The following RAB27B variants were observed in gnomAD, a reference collection of about 807,000 sequenced individuals.
RAB27B encodes the protein ras-related protein Rab-27B.
Under a neutral mutation model 24.6 loss-of-function variants are expected in RAB27B, and 15 were observed. The ratio of observed to expected loss-of-function variants is 0.61; its 90% CI spans 0.41 to 0.94. The LOEUF is 0.94. RAB27B is among the 40% of genes least tolerant of loss of function. The probability of loss-of-function intolerance (pLI) is 0.00; values close to 1 mark genes in which losing one functional copy is unlikely to be tolerated. For missense variants in RAB27B, 261 were observed against 266.8 expected, an observed-to-expected ratio of 0.98 and a Z score of 0.15; for synonymous variants, 105 against 92.5, an observed-to-expected ratio of 1.14 and a Z score of -0.78.
intron 2 of RAB27B, among the ~76,000 whole-genome samples, chr18:54,775,787 C>T (rs1037496841): frequency 6.6e-6 from 1 of 152,184 alleles, no homozygotes; most frequent in South Asian, 2.1e-4. Context: ...TGTCACCTAG[C>T]CAATTTCTAA....
chr18:54,834,009 A>T (rs1302310348), intron 1 of RAB27B, among the ~76,000 whole-genome samples: 4 of 152,228 alleles, frequency 2.6e-5, no homozygotes, highest in Non-Finnish European at 5.9e-5. Context: ...TTCTACTGGG[A>T]GGTTGAACTA....
chr18:54,824,236 C>CT (rs1239575408), upstream of RAB27B, among the ~76,000 whole-genome samples: 1 of 152,110 alleles, frequency 6.6e-6, no homozygotes, highest in Non-Finnish European at 1.5e-5. Flanking sequence ...CATAATGTTT[C>CT]TTTTTTCTTG....
intron 1 of RAB27B, among the ~76,000 whole-genome samples, chr18:54,831,279 G>T (rs758066766): frequency 6.6e-6 from 1 of 152,080 alleles, no homozygotes; most frequent in Non-Finnish European, 1.5e-5. Context: ...TGTGGAGGAA[G>T]AGCATTCTAG....
At position 54,777,852 on chromosome 18, in the gene RAB27B, A is replaced by G. The variant is rs1045403714; in HGVS notation, c.-20+59711A>G. 3.6e-4 allele frequency among the ~76,000 whole-genome samples: 25 copies of G among 69,628 alleles called. No individual in the cohort carries two copies. The Admixed American group carries it at 4.9e-3, about 14-fold the overall frequency. 45.7% of individuals were successfully genotyped at this position (69,628 alleles called of 152,430 possible). A position where few individuals can be genotyped will look rare whatever the true frequency, so the allele number is the denominator to read the frequency against. Reference sequence around the variant, plus strand: ...ACTTCTTCGGACATAATAGAGTGGCATCCTCTCTCCCCCCCCACCCCTTCT... The same window carrying G: ...ACTTCTTCGGACATAATAGAGTGGCGTCCTCTCTCCCCCCCCACCCCTTCT... On this transcript the variant is annotated intron_variant, in intron 2 of 4. Transcript: ENST00000586570.
intron 2 of RAB27B, among the ~76,000 whole-genome samples, chr18:54,748,526 T>C (rs1910327207): frequency 6.6e-6 from 1 of 152,220 alleles, no homozygotes; most frequent in Admixed American, 6.5e-5. Flanking sequence ...ATATTTTGTG[T>C]AAGGCTTAAA....
Position 54,801,459 on chromosome 18 carries a change from G to A in RAB27B, c.-19-76108G>A, listed in dbSNP as rs190568065. On this transcript the variant is annotated intron_variant, in intron 2 of 4. Coordinates refer to the RAB27B transcript ENST00000586570. ...TCTCTCTTAAAAAACTGGAAAATCT[G>A]TCATCACTGTATCCCAGGTCACCAG... Among the ~76,000 whole-genome samples, 182 of 152,248 alleles carry A rather than the reference G, an allele frequency of 1.2e-3. 1 individual carries two copies. Among genetic ancestry groups the A allele is most frequent in the African/African-American group, 4.3e-3 (177 of 41,534 alleles).
At chr18:54,881,877 A>G (rs1235410850) in intron 3 of RAB27B, among the ~76,000 whole-genome samples, 17 of 152,174 alleles carry the variant, frequency 1.1e-4, no homozygotes, top group Non-Finnish European at 1.2e-4. Flanking sequence ...TAACTTTGTC[A>G]TACGCTCTGG....
chr18:54,748,958 A>T (rs1183287461), intron 2 of RAB27B, among the ~76,000 whole-genome samples: 2 of 152,178 alleles, frequency 1.3e-5, no homozygotes, highest in Admixed American at 1.3e-4. Flanking sequence ...TCTGTGAAAG[A>T]TGGATGGGAC....
intron 2 of RAB27B, among the ~76,000 whole-genome samples, chr18:54,796,123 G>C (rs1308149250): frequency 6.6e-6 from 1 of 152,154 alleles, no homozygotes; most frequent in African/African-American, 2.4e-5. Flanking sequence ...ATGTGTGACA[G>C]GGGTGGCTCG....
intron 2 of RAB27B, among the ~76,000 whole-genome samples, chr18:54,784,600 T>A (rs1362651564): frequency 6.6e-6 from 1 of 152,244 alleles, no homozygotes; most frequent in African/African-American, 2.4e-5. Context: ...TAACTTAGGA[T>A]AATGGCCTCC....
chr18:54,730,176 T>A (rs576846533), intron 2 of RAB27B, among the ~76,000 whole-genome samples: 1 of 152,184 alleles, frequency 6.6e-6, no homozygotes, highest in Non-Finnish European at 1.5e-5. Context: ...TTTTATGACG[T>A]TTTAGTCTGT....
At chr18:54,834,649 A>G (rs1264579295) in intron 1 of RAB27B, among the ~76,000 whole-genome samples, 2 of 146,802 alleles carry the variant, frequency 1.4e-5, no homozygotes, top group African/African-American at 5.0e-5. Flanking sequence ...TATCTTTGTT[A>G]TACATAAATC....
intron 2 of RAB27B, among the ~76,000 whole-genome samples, chr18:54,803,138 T>C (rs1909662349): frequency 6.6e-6 from 1 of 152,076 alleles, no homozygotes; most frequent in South Asian, 2.1e-4. Flanking sequence ...AAAAAATAAA[T>C]AGCATAGTTT....
At chr18:54,845,888 C>A (rs550684352) in intron 1 of RAB27B, among the ~76,000 whole-genome samples, 29 of 152,230 alleles carry the variant, frequency 1.9e-4, no homozygotes, top group African/African-American at 6.7e-4. Context: ...AGAATCAATA[C>A]CATGGTGCTT....
chr18:54,854,614 A>G (rs986373856), intron 1 of RAB27B, among the ~76,000 whole-genome samples: 9 of 152,224 alleles, frequency 5.9e-5, no homozygotes, highest in African/African-American at 1.9e-4. Context: ...TCTCTATAAT[A>G]CAGGTTCTGA....
chr18:54,866,676 G>A (rs1912241258), intron 1 of RAB27B, among the ~76,000 whole-genome samples: 1 of 152,190 alleles, frequency 6.6e-6, no homozygotes, highest in South Asian at 2.1e-4. Context: ...GAGGGCAGGG[G>A]TCCCTCAGAC....
chr18:54,892,759 C>G lies in RAB27B; in HGVS notation c.*3346C>G, dbSNP rs1009511851. 15 of 151,970 alleles carry G rather than the reference C, an allele frequency of 9.9e-5. No homozygotes were observed. Among genetic ancestry groups the G allele is most frequent in the African/African-American group, 3.6e-4 (15 of 41,380 alleles). The allele number at this position is 151,970 out of a possible 1,614,324, so 9.4% of individuals were successfully genotyped here. Reference sequence around the variant, plus strand: ...ATCAGCTATCGCCCTGTAAAATATTCAAAACTAGCTATTTCTAAAGTAAAC... The same window carrying G: ...ATCAGCTATCGCCCTGTAAAATATTGAAAACTAGCTATTTCTAAAGTAAAC... On this transcript the variant is annotated 3_prime_UTR_variant, in exon 6 of 6. Transcript: ENST00000262094.
chr18:54,788,232 ATGAGTAAT>A (rs1286403263), intron 2 of RAB27B, among the ~76,000 whole-genome samples: 1 of 152,216 alleles, frequency 6.6e-6, no homozygotes, highest in African/African-American at 2.4e-5. Flanking sequence ...TAATATTTGT[ATGAGTAAT>A]TGCTAATTGT....
At chr18:54,870,969 T>C (rs185602591) in intron 1 of RAB27B, among the ~76,000 whole-genome samples, 1 of 152,222 alleles carries the variant, frequency 6.6e-6, no homozygotes, top group African/African-American at 2.4e-5. Context: ...ATGTTTGAAA[T>C]TTTCCACAAT....
Sources: gnomAD v4.1 joint callset for allele counts (sites outside exome capture counted in the v4.1 genomes callset) on GRCh38, gnomAD v4.1.1 for gene constraint, MANE v1.5 for transcripts, NCBI Gene and HGNC (gene_info 2026-07-23, HGNC 2026-07-21) for gene names.